Variants in RBFOX1 observed in about 807,000 individuals in gnomAD.
RBFOX1 encodes RNA binding protein fox-1 homolog 1.
In RBFOX1, 8 loss-of-function variants were observed where a neutral mutation model predicts 57.7. That is an observed-to-expected ratio of 0.14 (90% CI 0.08 to 0.25). RBFOX1 has a LOEUF of 0.25. RBFOX1 is among the 10% of genes least tolerant of loss of function. RBFOX1 has a pLI of 1.00. For synonymous variants in RBFOX1, 326 were observed against 222.4 expected (o/e 1.47, Z -4.15); for missense variants, 611 against 548.5 (o/e 1.11, Z -1.14).
intron 3 of RBFOX1, among the ~76,000 whole-genome samples, chr16:6,965,578 C>T (rs1337761458): frequency 6.6e-6 from 1 of 152,186 alleles, no homozygotes; most frequent in Non-Finnish European, 1.5e-5. Flanking sequence ...CTCAAGTGAT[C>T]TCCCCAACTT....
At chr16:6,770,699 G>GGAAGAT (rs928015348) in intron 3 of RBFOX1, among the ~76,000 whole-genome samples, 4 of 152,146 alleles carry the variant, frequency 2.6e-5, no homozygotes, top group African/African-American at 9.7e-5. Flanking sequence ...CTGCCTGGGA[G>GGAAGAT]GCAGATGCAG....
chr16:6,826,654 CT>C (rs1007636783), intron 3 of RBFOX1, among the ~76,000 whole-genome samples: 2 of 151,778 alleles, frequency 1.3e-5, no homozygotes, highest in African/African-American at 4.8e-5. Context: ...TCCTTTTTTT[CT>C]TTGTTTGCTA....
chr16:7,456,550 C>T (rs375424693), intron 4 of RBFOX1, among the ~76,000 whole-genome samples: 4 of 152,184 alleles, frequency 2.6e-5, no homozygotes, highest in East Asian at 3.9e-4. Flanking sequence ...ACAAAATCTT[C>T]GTGTAATTTG....
intron 2 of RBFOX1, among the ~76,000 whole-genome samples, chr16:6,438,131 A>T (rs781550593): frequency 6.6e-6 from 1 of 152,212 alleles, no homozygotes; most frequent in Non-Finnish European, 1.5e-5. Context: ...TGCTGTCCAT[A>T]TCGGTGTCTT....
intron 2 of RBFOX1, among the ~76,000 whole-genome samples, chr16:6,631,811 C>T (rs960222956): frequency 4.0e-5 from 6 of 151,646 alleles, no homozygotes; most frequent in Non-Finnish European, 7.4e-5. Context: ...CTGCAGGGGG[C>T]GGGGGTAGAG....
chr16:7,386,148 T>A (rs1243996568), intron 4 of RBFOX1, among the ~76,000 whole-genome samples: 1 of 151,938 alleles, frequency 6.6e-6, no homozygotes, highest in Non-Finnish European at 1.5e-5. Context: ...GGGTTTGAGA[T>A]CCCAACAGCC....
intron 14 of RBFOX1, among the ~76,000 whole-genome samples, chr16:7,706,069 GCT>G (rs1174352640): frequency 6.6e-6 from 1 of 152,154 alleles, no homozygotes; most frequent in Non-Finnish European, 1.5e-5. Context: ...TGCTTAGCCA[GCT>G]CTGAGGACAT....
At chr16:7,503,258 G>A (rs1462828885) in intron 4 of RBFOX1, among the ~76,000 whole-genome samples, 1 of 152,092 alleles carries the variant, frequency 6.6e-6, no homozygotes, top group South Asian at 2.1e-4. Flanking sequence ...GGATACCGTA[G>A]TCAGCAACGT....
chr16:7,184,205 G>A (rs1344080426), intron 4 of RBFOX1, among the ~76,000 whole-genome samples: 1 of 152,184 alleles, frequency 6.6e-6, no homozygotes, highest in Non-Finnish European at 1.5e-5. Flanking sequence ...GTGGAGAGAA[G>A]GAAGTGGAGA....
At chr16:7,292,446 TATGTA>T (rs1386480541) in intron 4 of RBFOX1, among the ~76,000 whole-genome samples, 1 of 143,842 alleles carries the variant, frequency 7.0e-6, no homozygotes, top group African/African-American at 2.5e-5. Context: ...TAATATATAA[TATGTA>T]ATGTATTATA....
At chr16:7,646,136 C>G (rs1179126202) in intron 11 of RBFOX1, among the ~76,000 whole-genome samples, 2 of 152,104 alleles carry the variant, frequency 1.3e-5, no homozygotes, top group Non-Finnish European at 2.9e-5. Context: ...ATTTGATGTA[C>G]TTTTGAGATT....
chr16:7,505,044 T>C (rs1786307874), intron 4 of RBFOX1, among the ~76,000 whole-genome samples: 1 of 150,634 alleles, frequency 6.6e-6, no homozygotes, highest in African/African-American at 2.5e-5. Flanking sequence ...CGGTGGATGG[T>C]TTTGACCTTG....
chr16:5,302,066 A>G (rs1367268872), intron 1 of RBFOX1, among the ~76,000 whole-genome samples: 2 of 152,072 alleles, frequency 1.3e-5, no homozygotes, highest in African/African-American at 4.8e-5. Context: ...ATTTTTTAAT[A>G]TAGGCATTTA....
intron 2 of RBFOX1, among the ~76,000 whole-genome samples, chr16:6,426,585 T>A (rs2093935632): frequency 6.6e-6 from 1 of 152,162 alleles, no homozygotes. Context: ...GAGCCATGAT[T>A]GTCCCAGTGC....
At position 5,957,020 on chromosome 16, in the gene RBFOX1, A is replaced by G. The variant is rs112998797; in HGVS notation, c.351+89685A>G. Among the ~76,000 whole-genome samples the G allele has an allele frequency of 5.7e-3, 869 of 152,062 alleles. 13 individuals carry two copies. The highest frequency in any genetic ancestry group is 0.02 in the African/African-American group (847 of 41,480). ...AGTAGGCTGAAACTTGGTAGCTTGA[A>G]ATCAACAGAGTGGAAATATTTACAC... On this transcript the variant is annotated intron_variant, in intron 4 of 19. Coordinates refer to the RBFOX1 transcript ENST00000641259.
intron 3 of RBFOX1, among the ~76,000 whole-genome samples, chr16:6,872,864 A>C (rs966741682): frequency 1.3e-5 from 2 of 152,208 alleles, no homozygotes; most frequent in Non-Finnish European, 2.9e-5. Flanking sequence ...AACAATTCAA[A>C]GACTCCATGT....
intron 3 of RBFOX1, among the ~76,000 whole-genome samples, chr16:6,882,257 G>T (rs1056696585): frequency 6.6e-6 from 1 of 152,104 alleles, no homozygotes; most frequent in Non-Finnish European, 1.5e-5. Context: ...GAGGGAGAAG[G>T]CTTGGAGAGA....
chr16:6,472,352 C>T (rs1406135378), intron 2 of RBFOX1, among the ~76,000 whole-genome samples: 1 of 152,160 alleles, frequency 6.6e-6, no homozygotes, highest in African/African-American at 2.4e-5. Context: ...CAAGAGCCAT[C>T]CCTAGAAGAT....
intron 3 of RBFOX1, among the ~76,000 whole-genome samples, chr16:7,018,156 C>G (rs1475379010): frequency 2.0e-5 from 3 of 152,104 alleles, no homozygotes; most frequent in African/African-American, 7.2e-5. Flanking sequence ...GTCTTAAGCC[C>G]TTGCTGAATT....
Sources: allele counts gnomAD v4.1 joint callset (sites outside exome capture counted in the v4.1 genomes callset), GRCh38; gene constraint gnomAD v4.1.1; transcripts MANE v1.5; gene names NCBI Gene and HGNC (gene_info 2026-07-23, HGNC 2026-07-21).